The following PARD3B variants were observed in gnomAD, a reference collection of about 807,000 sequenced individuals.
The protein encoded by PARD3B is par-3 family cell polarity regulator beta, also known as partitioning defective 3 homolog B.
PARD3B carries 103 observed loss-of-function variants against 130.2 expected under a neutral mutation model. That is an observed-to-expected ratio of 0.79 (90% CI 0.67 to 0.93). The LOEUF (loss-of-function observed/expected upper bound fraction) is 0.93, where lower values mean the gene tolerates loss of function less well. Among genes scored for constraint, PARD3B ranks in the 40% least tolerant of loss-of-function variants. PARD3B has a pLI of 0.00. For synonymous variants in PARD3B, 583 were observed against 553.2 expected (o/e 1.05, Z -0.76); for missense variants, 1,609 against 1,499.2 (o/e 1.07, Z -1.21).
chr2:204,760,091 A>G lies in PARD3B; in HGVS notation c.222+73809A>G, dbSNP rs532079895. On this transcript the variant is annotated intron_variant, in intron 2 of 22. Transcript: ENST00000406610. Reference sequence around the variant, plus strand: ...CCATGCTGAGCATTAAAGTAGCCAAATAGTCTAACAGGCATTATATGTTTT... The same window carrying G: ...CCATGCTGAGCATTAAAGTAGCCAAGTAGTCTAACAGGCATTATATGTTTT... Among the ~76,000 whole-genome samples the G allele has an allele frequency of 2.2e-4, 34 of 152,220 alleles. 1 individual carries two copies. In the South Asian group the frequency reaches 2.7e-3, roughly 12 times the overall value.
At chr2:204,773,107 A>C (rs1308321918) in intron 2 of PARD3B, among the ~76,000 whole-genome samples, 1 of 152,016 alleles carries the variant, frequency 6.6e-6, no homozygotes, top group Middle Eastern at 3.2e-3. Context: ...TAATCATTTG[A>C]AGTATTTAAC....
intron 2 of PARD3B, among the ~76,000 whole-genome samples, chr2:204,941,169 C>G (rs1247551293): frequency 1.3e-5 from 2 of 152,150 alleles, no homozygotes; most frequent in African/African-American, 4.8e-5. Flanking sequence ...TTAAATCACT[C>G]TTCTTACCAG....
At chr2:204,792,310 A>G (rs2042228657) in intron 2 of PARD3B, among the ~76,000 whole-genome samples, 1 of 152,100 alleles carries the variant, frequency 6.6e-6, no homozygotes, top group African/African-American at 2.4e-5. Context: ...TTTTTCTTAA[A>G]GTGCTTAAAA....
chr2:205,192,092 A>G (rs1224655017), intron 14 of PARD3B, among the ~76,000 whole-genome samples: 5 of 152,184 alleles, frequency 3.3e-5, no homozygotes, highest in Non-Finnish European at 1.5e-5. Flanking sequence ...CAATACTATT[A>G]TTGCTGCATA....
At chr2:205,245,567 A>T (rs1434233107) in intron 15 of PARD3B, among the ~76,000 whole-genome samples, 2 of 152,250 alleles carry the variant, frequency 1.3e-5, no homozygotes, top group Non-Finnish European at 2.9e-5. Context: ...TTCATAAAAG[A>T]TCTAATAAAC....
At chr2:205,145,229 T>G (rs972173525) in intron 10 of PARD3B, among the ~76,000 whole-genome samples, 18 of 152,284 alleles carry the variant, frequency 1.2e-4, no homozygotes, top group Non-Finnish European at 2.4e-4. Context: ...AAGATTATAT[T>G]TTTTAACTAT....
rs566410670 is a variant in PARD3B, at chr2:204,826,192, C to T, written c.223-138960C>T. Among the ~76,000 whole-genome samples, 12 of 152,260 alleles carry T rather than the reference C, an allele frequency of 7.9e-5. No homozygotes were observed. The East Asian group carries it at 2.1e-3, about 27-fold the overall frequency. On this transcript the variant is annotated intron_variant, in intron 2 of 22. Coordinates refer to ENST00000406610, the MANE Select transcript of PARD3B (RefSeq NM_001302769.2). ...ATAGTTTGGGGGCAAAAGGAGCTGA[C>T]CCTTATCTCTTATCATACTTGATTA...
intron 2 of PARD3B, among the ~76,000 whole-genome samples, chr2:204,893,589 T>TAA (rs1210403980): frequency 1.3e-5 from 2 of 152,230 alleles, no homozygotes; most frequent in African/African-American, 4.8e-5. Context: ...TGTGAAAAGA[T>TAA]ACAGCACAAA....
intron 4 of PARD3B, among the ~76,000 whole-genome samples, chr2:205,054,928 A>C (rs1447383345): frequency 6.6e-6 from 1 of 152,260 alleles, no homozygotes; most frequent in South Asian, 2.1e-4. Flanking sequence ...TTGGTACTCT[A>C]CTTAGCCTTC....
Position 204,871,932 on chromosome 2 carries a change from A to C in PARD3B, c.223-93220A>C, listed in dbSNP as rs568754742. On this transcript the variant is annotated intron_variant, in intron 2 of 22. Transcript: ENST00000406610. Reference sequence around the variant, plus strand: ...AGACAGCATGGAAGAGAAAGTCTGGATATCTAAAACACAGTCATTAAAATG... The same window carrying C: ...AGACAGCATGGAAGAGAAAGTCTGGCTATCTAAAACACAGTCATTAAAATG... Among the ~76,000 whole-genome samples the C allele has an allele frequency of 9.2e-5, 14 of 152,220 alleles. No homozygotes were observed. The South Asian group carries it at 2.9e-3, about 32-fold the overall frequency.
chr2:205,375,597 T>C (rs2045012072), intron 18 of PARD3B, among the ~76,000 whole-genome samples: 1 of 152,138 alleles, frequency 6.6e-6, no homozygotes, highest in Non-Finnish European at 1.5e-5. Flanking sequence ...AGTAGGAGAC[T>C]TTTGGAAAAT....
chr2:204,604,759 C>G (rs151299413), intron 1 of PARD3B, among the ~76,000 whole-genome samples: 268 of 152,242 alleles, frequency 1.8e-3, no homozygotes, highest in Middle Eastern at 0.01. Flanking sequence ...GCATTCCAGC[C>G]TTCTACTCCA....
chr2:205,471,353 CTTTTTTTTTTTTTTT>C (rs769669913), intron 20 of PARD3B, among the ~76,000 whole-genome samples: 4 of 85,436 alleles, frequency 4.7e-5, no homozygotes, highest in Non-Finnish European at 9.3e-5. Flanking sequence ...ACTCACTTTT[CTTTTTTTTTTTTTTT>C]TTTTTTTTCT....
chr2:204,837,784 T>G (rs2044101998), intron 2 of PARD3B, among the ~76,000 whole-genome samples: 1 of 152,190 alleles, frequency 6.6e-6, no homozygotes, highest in Non-Finnish European at 1.5e-5. Flanking sequence ...TCTCTGTAAT[T>G]TCCAGCCCTT....
rs371966289 is a variant in PARD3B, at chr2:205,591,207, TAGAG to T, written c.3261-24244_3261-24241del. 5.9e-3 allele frequency among the ~76,000 whole-genome samples: 903 copies of T among 152,266 alleles called. 11 individuals carry two copies. The highest frequency in any genetic ancestry group is 0.021 in the African/African-American group (870 of 41,548). On this transcript the variant is annotated intron_variant, in intron 22 of 22. Transcript: ENST00000406610. This position sits in a 1 kb window ranked among gnomAD's most constrained non-coding sequence, Gnocchi z 4.2. ...AACTAGGACAAGACAAAAAACTGTT[TAGAG>T]AGAGTGTACATTTTAGTGTATTTTG...
chr2:205,542,949 G>T (rs1452359566), intron 21 of PARD3B, among the ~76,000 whole-genome samples: 1 of 152,168 alleles, frequency 6.6e-6, no homozygotes, highest in Non-Finnish European at 1.5e-5. Context: ...TGAGGGTAAA[G>T]CTCCCTTTAA....
At chr2:205,152,859 C>A (rs1261210467) in intron 10 of PARD3B, among the ~76,000 whole-genome samples, 1 of 152,168 alleles carries the variant, frequency 6.6e-6, no homozygotes, top group Non-Finnish European at 1.5e-5. Context: ...GAATTTTCAG[C>A]TTTTCTGCTC....
chr2:204,614,504 A>C (rs1209771720), intron 1 of PARD3B, among the ~76,000 whole-genome samples: 1 of 152,200 alleles, frequency 6.6e-6, no homozygotes, highest in Admixed American at 6.6e-5. Context: ...ACTAAAACTG[A>C]GATATTACAA....
intron 4 of PARD3B, among the ~76,000 whole-genome samples, chr2:205,051,297 G>A (rs976118): frequency 0.98 from 149,425 of 152,276 alleles, 73,359 homozygotes; most frequent in Middle Eastern, 1. Context: ...GTAGCCATGT[G>A]TCAACTAATA....
Sources: allele counts gnomAD v4.1 joint callset (sites outside exome capture counted in the v4.1 genomes callset), GRCh38; gene constraint gnomAD v4.1.1; non-coding constraint Gnocchi (gnomAD v3.1); transcripts MANE v1.5; gene names NCBI Gene and HGNC (gene_info 2026-07-23, HGNC 2026-07-21).